AXL: variants seen among roughly 807,000 people sequenced by gnomAD.
The protein encoded by AXL is tyrosine-protein kinase receptor UFO.
Under a neutral mutation model 104.5 loss-of-function variants are expected in AXL, and 52 were observed. That is an observed-to-expected ratio of 0.50 (90% CI 0.40 to 0.63). The LOEUF is 0.63. Among genes scored for constraint, AXL ranks in the 20% least tolerant of loss-of-function variants. The pLI is 0.00. For synonymous variants in AXL, 455 were observed against 473.7 expected (o/e 0.96, Z 0.51); for missense variants, 1,024 against 1,188.5 (o/e 0.86, Z 2.04).
At position 41,260,298 on chromosome 19, in the gene AXL, C is replaced by CTTTTTGTTT. The variant is rs2034517910; in HGVS notation, c.*399_*400insGTTTTTTTT. On this transcript the variant is annotated 3_prime_UTR_variant, in exon 20 of 20. Coordinates refer to ENST00000301178, the MANE Select transcript of AXL (RefSeq NM_021913.5). ...TAAAGTGCTAAGGTTCTAAGGCCTA[C>CTTTTTGTTT]TTTTTTTTTTTTTTTTTTTTTTTTT... is the stretch of plus-strand genomic sequence containing the variant. 1 of 48,572 alleles carries CTTTTTGTTT rather than the reference C, an allele frequency of 2.1e-5. No homozygotes were observed. Among genetic ancestry groups the CTTTTTGTTT allele is most frequent in the African/African-American group, 8.5e-5 (1 of 11,730 alleles). The allele number at this position is 48,572 out of a possible 1,614,324, so 3.0% of individuals were successfully genotyped here.
At chr19:41,220,266 C>A in intron 1 of AXL, 1 of 210,592 alleles carries the variant, frequency 4.7e-6, no homozygotes, top group East Asian at 1.2e-4. Flanking sequence ...ACCCTTATCT[C>A]TCTCCCCCAA....
At chr19:41,250,005 A>G (rs1234217925) in intron 14 of AXL, among the ~76,000 whole-genome samples, 1 of 152,208 alleles carries the variant, frequency 6.6e-6, no homozygotes, top group Admixed American at 6.5e-5. Flanking sequence ...GAGAAGCTCT[A>G]GAATGAGGCA....
intron 6 of AXL, among the ~76,000 whole-genome samples, chr19:41,233,171 G>A (rs893027841): frequency 7.4e-4 from 112 of 151,982 alleles, no homozygotes; most frequent in African/African-American, 2.5e-3. Context: ...TGTATTTTTA[G>A]TAGAGACAGG....
chr19:41,243,953 C>T (rs1281714382), intron 12 of AXL: 1 of 424,816 alleles, frequency 2.4e-6, no homozygotes, highest in Non-Finnish European at 4.2e-6. Flanking sequence ...TGCCTGTAAT[C>T]CTAGCGCTTC....
intron 12 of AXL, among the ~76,000 whole-genome samples, 164 bp from the exon 13 acceptor site, chr19:41,248,350 G>A (rs1035315536): frequency 1.3e-5 from 2 of 152,250 alleles, no homozygotes; most frequent in South Asian, 2.1e-4. Context: ...GTCCAGAGGA[G>A]GAGCTGGGGT....
At chr19:41,257,656 C>T in intron 19 of AXL, 27 bp downstream of exon 19, 1 of 1,613,466 alleles carries the variant, frequency 6.2e-7, no homozygotes, top group Non-Finnish European at 8.5e-7. Context: ...CTCCCCCAAC[C>T]CAGAATTCAT....
At position 41,261,041 on chromosome 19, in the gene AXL, C is replaced by A. The variant is rs930657772; in HGVS notation, c.*1137C>A. 6 of 152,244 alleles carry A rather than the reference C, an allele frequency of 3.9e-5. No individual in the cohort carries two copies. Among genetic ancestry groups the A allele is most frequent in the African/African-American group, 1.4e-4 (6 of 41,562 alleles). The allele number at this position is 152,244 out of a possible 1,614,324, so 9.4% of individuals were successfully genotyped here. On this transcript the variant is annotated 3_prime_UTR_variant, in exon 20 of 20. Transcript: ENST00000301178. ...TAAGGGTCGAAAGCTCTAGAATCTG[C>A]AATTCAAAAGTTCCAAGAGTCTAAA... is the stretch of plus-strand genomic sequence containing the variant.
intron 12 of AXL, among the ~76,000 whole-genome samples, chr19:41,246,345 G>A (rs928445450): frequency 6.6e-6 from 1 of 152,008 alleles, no homozygotes; most frequent in African/African-American, 2.4e-5. Flanking sequence ...TACTTGGGAG[G>A]CTGAGGAAAG....
Position 41,252,881 on chromosome 19 carries a change from C to T in AXL, c.1840C>T (p.Pro614Ser), listed in dbSNP as rs140047155. ...CFQGSERESF[P>S]APVVILPFMK... ...CCAGGGTTCTGAACGAGAGAGCTTC[C>T]CAGCACCTGTGGTCATCTTACCTTT... Residue 614 changes from proline to serine, a missense_variant, in exon 16 of 20, where the codon CCA (proline) becomes TCA (serine). By Grantham distance (74) the Pro-to-Ser change is moderately conservative (BLOSUM62 -1). Transcript: ENST00000301178. 1.2e-6 allele frequency: 2 copies of T among 1,613,990 alleles called. No homozygotes were observed. The highest frequency in any genetic ancestry group is 2.7e-5 in the African/African-American group (2 of 74,902).
In AXL at chr19:41,252,937, C is replaced by T; in HGVS notation, c.1896C>T (p.Leu632=). 6.2e-7 allele frequency: 1 copy of T among 1,614,158 alleles called. No individual in the cohort carries two copies. Among genetic ancestry groups the T allele is most frequent in the Non-Finnish European group, 8.5e-7 (1 of 1,180,018 alleles). Residue 632 remains leucine, a synonymous_variant, in exon 16 of 20, where the codon CTC becomes CTT. Coordinates refer to ENST00000301178, the MANE Select transcript of AXL (RefSeq NM_021913.5). The part of the protein sequence containing the change: ...FMKHGDLHSF[L]LYSRLGDQPV... ...AACATGGAGACCTACACAGCTTCCT[C>T]CTCTATTCCCGGCTCGGGGACCAGC...
rs1291802440 is a variant in AXL, at chr19:41,260,103, T to C, written c.*199T>C. The C allele has an allele frequency of 7.5e-6, 4 of 531,570 alleles. No individual in the cohort carries two copies. The highest frequency in any genetic ancestry group is 1.9e-5 in the African/African-American group (1 of 52,418). 32.9% of individuals were successfully genotyped at this position (531,570 alleles called of 1,614,324 possible). On this transcript the variant is annotated 3_prime_UTR_variant, in exon 20 of 20. Coordinates refer to ENST00000301178, the MANE Select transcript of AXL (RefSeq NM_021913.5). ...CACCTTGAAAGCAGTAGCATCACCA[T>C]CTGTAAAAGGAAGGGGTTGGATTGC...
At position 41,222,075 on chromosome 19, in the gene AXL, G is replaced by T. The variant is rs990402972; in HGVS notation, c.586+19G>T. On this transcript the variant is annotated intron_variant, in intron 4 of 19. Transcript: ENST00000301178. Reference sequence around the variant, plus strand: ...GTTCCAGGTGAGTCCGGGGATGTGGGTCAGCTCCGAATAGGGGGCCGGGCA... The same window carrying T: ...GTTCCAGGTGAGTCCGGGGATGTGGTTCAGCTCCGAATAGGGGGCCGGGCA... 3.3e-6 allele frequency: 5 copies of T among 1,518,778 alleles called. No homozygotes were observed. The highest frequency in any genetic ancestry group is 4.4e-6 in the Non-Finnish European group (5 of 1,136,814). The allele number at this position is 1,518,778 out of a possible 1,614,324, so 94.1% of individuals were successfully genotyped here.
chr19:41,224,796 G>A (rs1224552026), intron 4 of AXL, among the ~76,000 whole-genome samples: 1 of 152,064 alleles, frequency 6.6e-6, no homozygotes, highest in African/African-American at 2.4e-5. Context: ...ACCTGTGTGT[G>A]TGTGTGTGTG....
At chr19:41,245,711 C>T (rs1360420548) in intron 12 of AXL, among the ~76,000 whole-genome samples, 2 of 124,740 alleles carry the variant, frequency 1.6e-5, no homozygotes, top group African/African-American at 6.2e-5. Flanking sequence ...AAGACACCGT[C>T]TCAAAAAAAA....
intron 4 of AXL, among the ~76,000 whole-genome samples, chr19:41,227,471 ATTTTGCACCCTGGGGCC>A (rs2033902243): frequency 7.1e-6 from 1 of 141,778 alleles, no homozygotes; most frequent in South Asian, 2.2e-4. Context: ...AGCCATCACT[ATTTTGCACCCTGGGGCC>A]TTTTTTTTTT....
rs150756125 is a variant in AXL, at chr19:41,242,989, C to T, written c.1419C>T (p.His473=). Reference sequence around the variant, plus strand: ...TCATCTTGGCTCTCTTCCTTGTCCACCGGCGAAAGAAGGAGACCCGTTATG... The same window carrying T: ...TCATCTTGGCTCTCTTCCTTGTCCATCGGCGAAAGAAGGAGACCCGTTATG... ...CVLILALFLV[H]RRKKETRYGE... is the part of the protein sequence containing the mutation. Residue 473 remains histidine, a synonymous_variant, in exon 11 of 20, where the codon CAC becomes CAT. Transcript: ENST00000301178. The T allele has an allele frequency of 3.1e-6, 5 of 1,614,196 alleles. No individual in the cohort carries two copies. Among genetic ancestry groups the T allele is most frequent in the Non-Finnish European group, 4.2e-6 (5 of 1,180,034 alleles).
At chr19:41,241,488 G>A (rs1417293694) in intron 10 of AXL, among the ~76,000 whole-genome samples, 2 of 141,484 alleles carry the variant, frequency 1.4e-5, no homozygotes, top group East Asian at 2.1e-4. Flanking sequence ...AGGTTACAGT[G>A]AGCCAAGATC....
chr19:41,228,393 A>G (rs2033919613), intron 4 of AXL, among the ~76,000 whole-genome samples: 1 of 152,052 alleles, frequency 6.6e-6, no homozygotes, highest in Admixed American at 6.5e-5. Context: ...TCTCTACTAA[A>G]AATTACAAAA....
intron 14 of AXL, 129 bp downstream of exon 14, chr19:41,248,949 G>A: frequency 1.1e-6 from 1 of 938,476 alleles, no homozygotes; most frequent in Non-Finnish European, 1.6e-6. Flanking sequence ...CCCCTGCCAG[G>A]TACCTCAATA....
Sources: gnomAD v4.1 joint callset for allele counts (sites outside exome capture counted in the v4.1 genomes callset) on GRCh38, gnomAD v4.1.1 for gene constraint, MANE v1.5 for transcripts, NCBI Gene and HGNC (gene_info 2026-07-23, HGNC 2026-07-21) for gene names.